SHE: variants seen among roughly 807,000 people sequenced by gnomAD.
SHE encodes Src homology 2 domain containing E, also known as SH2 domain-containing adapter protein E.
Under a neutral mutation model 49.8 loss-of-function variants are expected in SHE, and 11 were observed. The ratio of observed to expected loss-of-function variants is 0.22; its 90% CI spans 0.14 to 0.37. The LOEUF is 0.37. SHE is among the 10% of genes least tolerant of loss of function. The pLI is 1.00. For synonymous variants in SHE, 310 were observed against 278.1 expected (o/e 1.11, Z -1.14); for missense variants, 624 against 655.5 (o/e 0.95, Z 0.52).
rs1691971296 is a variant in SHE, at chr1:154,479,782, A to G, written c.*4367T>C. 1 of 985,438 alleles carries G rather than the reference A, an allele frequency of 1.0e-6. No homozygotes were observed. The allele number at this position is 985,438 out of a possible 1,614,324, so 61.0% of individuals were successfully genotyped here. ...TTCTGTTGCCAGCATATTAATTAAA[A>G]TACAATTTGAGATTCTAAATTACAC... On this transcript the variant is annotated 3_prime_UTR_variant, in exon 6 of 6. Coordinates refer to ENST00000304760, the MANE Select transcript of SHE (RefSeq NM_001010846.3).
At chr1:154,485,900 T>C (rs563104594) in intron 5 of SHE, 43 bp downstream of exon 5, 2 of 1,600,378 alleles carry the variant, frequency 1.2e-6, no homozygotes, top group Non-Finnish European at 1.7e-6. Flanking sequence ...TCACACAGTG[T>C]TCCTTCCCCT....
chr1:154,475,040 T>G (rs1299563358), downstream of SHE, among the ~76,000 whole-genome samples: 1 of 151,800 alleles, frequency 6.6e-6, no homozygotes, highest in Non-Finnish European at 1.5e-5. Context: ...TGGGAGCAAA[T>G]GACTAATCTG....
At chr1:154,474,390 C>T (rs1238087702) in intron 1 of SHE, among the ~76,000 whole-genome samples, 2 of 152,206 alleles carry the variant, frequency 1.3e-5, no homozygotes, top group African/African-American at 4.8e-5. Flanking sequence ...CAAGCCACTT[C>T]CCCTCCATCT....
chr1:154,489,398 C>T, intron 2 of SHE, 42 bp from the exon 3 acceptor site: 1 of 1,582,780 alleles, frequency 6.3e-7, no homozygotes, highest in Non-Finnish European at 8.6e-7. Context: ...ACACCATACA[C>T]AATGTCTTGA....
At chr1:154,493,233 G>A (rs1228238157) in intron 2 of SHE, among the ~76,000 whole-genome samples, 2 of 152,178 alleles carry the variant, frequency 1.3e-5, no homozygotes, top group Non-Finnish European at 2.9e-5. Context: ...ATTAGGGGAA[G>A]AAAGGGCTTG....
At chr1:154,492,017 T>C (rs1692382954) in intron 2 of SHE, among the ~76,000 whole-genome samples, 2 of 151,874 alleles carry the variant, frequency 1.3e-5, no homozygotes, top group Admixed American at 1.3e-4. Flanking sequence ...TCAAAACAGG[T>C]GTGGGGATGG....
Position 154,499,091 on chromosome 1 carries a change from C to A in SHE, c.718+21G>T, listed in dbSNP as rs755884762. On this transcript the variant is annotated intron_variant, in intron 2 of 5. Transcript: ENST00000304760. The stretch of plus-strand genomic sequence containing the variant: ...TGAGTGTGAGATTTCAGTCTCTATT[C>A]TGTAGAGCCTGCTTACAAACCTGTT... The A allele has an allele frequency of 2.5e-6, 4 of 1,612,884 alleles. No homozygotes were observed. The African/African-American group carries it at 5.3e-5, about 22-fold the overall frequency.
At chr1:154,490,864 G>A (rs181011250) in intron 2 of SHE, among the ~76,000 whole-genome samples, 4 of 151,802 alleles carry the variant, frequency 2.6e-5, no homozygotes, top group Non-Finnish European at 4.4e-5. Flanking sequence ...TAACCATGGT[G>A]TACAGGATAG....
rs571384988 is a variant in SHE, at chr1:154,470,340, C to T, written c.*1G>A. The T allele has an allele frequency of 1.9e-4, 244 of 1,289,192 alleles. No homozygotes were observed. In the South Asian group the frequency reaches 2.1e-3, roughly 11 times the overall value. 79.9% of individuals were successfully genotyped at this position (1,289,192 alleles called of 1,614,324 possible). Reference sequence around the variant, plus strand: ...GGTTACGGTGCTCTTTCCAGAAGAACTTAGGAGAGCAGATGGTGATTTCTG... The same window carrying T: ...GGTTACGGTGCTCTTTCCAGAAGAATTTAGGAGAGCAGATGGTGATTTCTG... On this transcript the variant is annotated 3_prime_UTR_variant, in exon 2 of 2. Coordinates refer to the SHE transcript ENST00000486773.
chr1:154,481,259 G>A lies in SHE; in HGVS notation c.*2890C>T, dbSNP rs1450364282. Reference sequence around the variant, plus strand: ...AACTCCCTGGCTTTTGTCAGCTTGTGTCACAACCTCAAGAAGAAAATAGCT... The same window carrying A: ...AACTCCCTGGCTTTTGTCAGCTTGTATCACAACCTCAAGAAGAAAATAGCT... On this transcript the variant is annotated 3_prime_UTR_variant, in exon 6 of 6. Coordinates refer to ENST00000304760, the MANE Select transcript of SHE (RefSeq NM_001010846.3). 14 of 985,280 alleles carry A rather than the reference G, an allele frequency of 1.4e-5. No individual in the cohort carries two copies. Among genetic ancestry groups the A allele is most frequent in the African/African-American group, 1.7e-5 (1 of 57,216 alleles). The allele number at this position is 985,280 out of a possible 1,614,324, so 61.0% of individuals were successfully genotyped here.
In SHE at chr1:154,501,515, G is replaced by C. The variant is rs746033056; in HGVS notation, c.512C>G (p.Ser171Cys). 6.2e-7 allele frequency: 1 copy of C among 1,614,122 alleles called. No individual in the cohort carries two copies. The highest frequency in any genetic ancestry group is 8.5e-7 in the Non-Finnish European group (1 of 1,179,986). Residue 171 changes from serine (S) to cysteine (C), a missense_variant, in exon 1 of 6, where the codon TCC becomes TGC. Coordinates refer to ENST00000304760, the MANE Select transcript of SHE (RefSeq NM_001010846.3). ...AGGGGAAGAGGACGCGGAGGAAGAG[G>C]AGCTGGAGCTGGAGCTACTGCTGCT... ...YPSSSSSSSSSSSSASSSPSS... is the reference protein window; with the variant it reads ...YPSSSSSSSSCSSSASSSPSS...
At chr1:154,474,249 G>A (rs1001402111) in intron 1 of SHE, among the ~76,000 whole-genome samples, 2 of 152,192 alleles carry the variant, frequency 1.3e-5, no homozygotes, top group African/African-American at 4.8e-5. Context: ...GAGTCTGAGC[G>A]CACATACAAA....
chr1:154,479,326 AAGAT>A (rs1366261216), downstream of SHE, among the ~76,000 whole-genome samples: 3 of 152,222 alleles, frequency 2.0e-5, no homozygotes, highest in Non-Finnish European at 4.4e-5. Flanking sequence ...GAGTAAATAA[AAGAT>A]AGAATCTGCT....
At chr1:154,497,672 A>AT (rs575539721) in intron 2 of SHE, among the ~76,000 whole-genome samples, 15 of 150,850 alleles carry the variant, frequency 9.9e-5, no homozygotes, top group South Asian at 2.1e-4. Flanking sequence ...CACAGCAATG[A>AT]TTTTTTTTTC....
intron 2 of SHE, among the ~76,000 whole-genome samples, chr1:154,498,207 C>G (rs891892199): frequency 1.1e-4 from 17 of 151,348 alleles, no homozygotes; most frequent in African/African-American, 4.1e-4. Context: ...ATTCTCCTAC[C>G]TCAGCCTCCC....
At chr1:154,478,054 T>A (rs1239289604), downstream of SHE, among the ~76,000 whole-genome samples, 1 of 152,124 alleles carries the variant, frequency 6.6e-6, no homozygotes, top group Non-Finnish European at 1.5e-5. Flanking sequence ...TATTTGTCTT[T>A]TTGTGACTGA....
chr1:154,474,325 A>G (rs948706379), intron 1 of SHE, among the ~76,000 whole-genome samples: 11 of 152,168 alleles, frequency 7.2e-5, no homozygotes, highest in African/African-American at 2.7e-4. Context: ...GTCTCAAAGG[A>G]GAGGGGCAAA....
downstream of SHE, among the ~76,000 whole-genome samples, chr1:154,477,732 A>G (rs1691912737): frequency 6.6e-6 from 1 of 151,986 alleles, no homozygotes; most frequent in Non-Finnish European, 1.5e-5. Context: ...TTCTACTAAC[A>G]ATACAAAAAT....
chr1:154,493,402 C>T (rs1317020946), intron 2 of SHE, among the ~76,000 whole-genome samples: 1 of 152,122 alleles, frequency 6.6e-6, no homozygotes, highest in South Asian at 2.1e-4. Flanking sequence ...TAGCCCCTGA[C>T]GTGCAGAGCT....
Sources: allele counts gnomAD v4.1 joint callset (sites outside exome capture counted in the v4.1 genomes callset), GRCh38; gene constraint gnomAD v4.1.1; transcripts MANE v1.5; gene names NCBI Gene and HGNC (gene_info 2026-07-23, HGNC 2026-07-21).